RTN1: variants seen among roughly 807,000 people sequenced by gnomAD.
The protein encoded by RTN1 is reticulon-1.
RTN1 carries 25 observed loss-of-function variants against 65.5 expected under a neutral mutation model. The observed-to-expected ratio is 0.38, with a 90% CI of 0.28 to 0.53. RTN1 has a LOEUF of 0.53. Among genes scored for constraint, RTN1 ranks in the 20% least tolerant of loss-of-function variants. The pLI, the probability that RTN1 is intolerant of heterozygous loss-of-function variation, is 0.79. For missense variants in RTN1, 983 were observed against 1,025.4 expected, an observed-to-expected ratio of 0.96 and a Z score of 0.57; for synonymous variants, 471 against 447.6, an observed-to-expected ratio of 1.05 and a Z score of -0.66.
intron 3 of RTN1, among the ~76,000 whole-genome samples, chr14:59,644,799 C>T (rs538873146): frequency 6.6e-6 from 1 of 151,984 alleles, no homozygotes; most frequent in African/African-American, 2.4e-5. Flanking sequence ...GCCTTCAGTA[C>T]AGCCACCCTA....
chr14:59,752,678 G>A (rs868363418), intron 1 of RTN1, among the ~76,000 whole-genome samples: 38 of 151,994 alleles, frequency 2.5e-4, no homozygotes, highest in African/African-American at 8.9e-4. Flanking sequence ...GGATTTTGAT[G>A]CTTATGTCTG....
At chr14:59,679,404 C>G (rs1883697920) in intron 3 of RTN1, among the ~76,000 whole-genome samples, 1 of 152,170 alleles carries the variant, frequency 6.6e-6, no homozygotes. Flanking sequence ...GACTGGAGCT[C>G]TAACTTTTCT....
intron 3 of RTN1, among the ~76,000 whole-genome samples, chr14:59,718,364 G>C (rs879261087): frequency 6.6e-6 from 1 of 152,150 alleles, no homozygotes. Context: ...AGCTGCCTTC[G>C]CTCTAACTTT....
intron 1 of RTN1, among the ~76,000 whole-genome samples, chr14:59,861,092 G>A (rs1376915556): frequency 6.6e-6 from 1 of 152,108 alleles, no homozygotes; most frequent in Non-Finnish European, 1.5e-5. Context: ...GAAATGTAAG[G>A]ACATGAGATT....
In RTN1 at chr14:59,646,481, T is replaced by A. The variant is rs115893219; in HGVS notation, c.1766-38989A>T. Reference sequence around the variant, plus strand: ...CAGAGAACCTCTGCAAGATTCTCCATAAGAATATCATCACCAAGATACACA... The same window carrying A: ...CAGAGAACCTCTGCAAGATTCTCCAAAAGAATATCATCACCAAGATACACA... On this transcript the variant is annotated intron_variant, in intron 3 of 8. Coordinates refer to ENST00000267484, the MANE Select transcript of RTN1 (RefSeq NM_021136.3). Among the ~76,000 whole-genome samples, 308 of 152,228 alleles carry A rather than the reference T, an allele frequency of 2.0e-3. 1 individual carries two copies. Among genetic ancestry groups the A allele is most frequent in the African/African-American group, 7.2e-3 (301 of 41,546 alleles).
At chr14:59,610,122 C>T (rs762586046) in intron 3 of RTN1, 2 of 777,428 alleles carry the variant, frequency 2.6e-6, no homozygotes, top group South Asian at 2.7e-5. Context: ...TGCTTTATAC[C>T]TGGTAGAAAT....
At chr14:59,622,857 G>T (rs1003167295) in intron 3 of RTN1, among the ~76,000 whole-genome samples, 3 of 152,140 alleles carry the variant, frequency 2.0e-5, no homozygotes, top group Non-Finnish European at 4.4e-5. Flanking sequence ...GACTTCTGCT[G>T]ATAAGACACC....
intron 8 of RTN1, among the ~76,000 whole-genome samples, chr14:59,602,577 T>C (rs1165414017): frequency 6.6e-6 from 1 of 152,126 alleles, no homozygotes; most frequent in African/African-American, 2.4e-5. Flanking sequence ...GTTAAAATGG[T>C]GTGATGTATT....
In RTN1 at chr14:59,666,809, A is replaced by G. The variant is rs192939206; in HGVS notation, c.1766-59317T>C. On this transcript the variant is annotated intron_variant, in intron 3 of 8. Transcript: ENST00000267484. The stretch of plus-strand genomic sequence containing the variant: ...ACAGACTATCATCAGAGAATACTAA[A>G]CACCTCTACACAAATAAACTAGAAA... Among the ~76,000 whole-genome samples the G allele has an allele frequency of 1.7e-3, 255 of 152,138 alleles. 1 individual carries two copies. Among genetic ancestry groups the G allele is most frequent in the Admixed American group, 4.6e-3 (70 of 15,288 alleles).
chr14:59,825,206 T>C lies in RTN1; in HGVS notation c.241+45184A>G, dbSNP rs528023297. ...AGGTGCCAATAGCACCCGAGTCATG[T>C]CTATTAAAAATGTCTCCAGACATTG... On this transcript the variant is annotated intron_variant, in intron 1 of 8. Coordinates refer to ENST00000267484, the MANE Select transcript of RTN1 (RefSeq NM_021136.3). This position sits in a 1 kb window ranked among gnomAD's most constrained non-coding sequence, Gnocchi z 4.2. 1.3e-5 allele frequency among the ~76,000 whole-genome samples: 2 copies of C among 152,316 alleles called. No individual in the cohort carries two copies. The highest frequency in any genetic ancestry group is 3.9e-4 in the East Asian group (2 of 5,190).
At chr14:59,655,069 A>T (rs1883095684) in intron 3 of RTN1, among the ~76,000 whole-genome samples, 1 of 152,234 alleles carries the variant, frequency 6.6e-6, no homozygotes, top group African/African-American at 2.4e-5. Flanking sequence ...ACTTCTAAGG[A>T]ATCCACACAA....
intron 3 of RTN1, among the ~76,000 whole-genome samples, chr14:59,618,725 C>T (rs1193024585): frequency 6.6e-6 from 1 of 152,198 alleles, no homozygotes; most frequent in Admixed American, 6.5e-5. Flanking sequence ...TCTCACATTA[C>T]ATGTTAAGTG....
At chr14:59,743,701 G>GA (rs554620431) in intron 2 of RTN1, among the ~76,000 whole-genome samples, 66 of 145,128 alleles carry the variant, frequency 4.5e-4, no homozygotes, top group African/African-American at 1.8e-3. Flanking sequence ...CCTCAGACTG[G>GA]AAGGGCACCC....
intron 1 of RTN1, among the ~76,000 whole-genome samples, chr14:59,801,768 T>A (rs1886550632): frequency 6.6e-6 from 1 of 152,180 alleles, no homozygotes; most frequent in Non-Finnish European, 1.5e-5. Flanking sequence ...ACGCTATACA[T>A]GAGAGATATA....
Position 59,790,491 on chromosome 14 carries a change from T to C in RTN1, c.242-44010A>G, listed in dbSNP as rs900261700. ...TTGCCTTATTGTCTTTTGGCTTTGA[T>C]TGCTGCCTTGGAAAATTCTGATAGA... On this transcript the variant is annotated intron_variant, in intron 1 of 8. Coordinates refer to ENST00000267484, the MANE Select transcript of RTN1 (RefSeq NM_021136.3). The surrounding 1 kb of genome is among the most constrained non-coding windows in gnomAD (Gnocchi z 4.1). 6.6e-6 allele frequency among the ~76,000 whole-genome samples: 1 copy of C among 152,154 alleles called. No individual in the cohort carries two copies. Among genetic ancestry groups the C allele is most frequent in the Admixed American group, 6.6e-5 (1 of 15,262 alleles).
chr14:59,720,628 CAGG>C (rs1332440713), intron 3 of RTN1, among the ~76,000 whole-genome samples: 1 of 151,398 alleles, frequency 6.6e-6, no homozygotes, highest in Non-Finnish European at 1.5e-5. Context: ...TAGGCTGAAG[CAGG>C]AGAATTGCTT....
At chr14:59,692,266 T>A (rs946774296) in intron 3 of RTN1, among the ~76,000 whole-genome samples, 2 of 152,142 alleles carry the variant, frequency 1.3e-5, no homozygotes, top group African/African-American at 4.8e-5. Flanking sequence ...CAAAAATCAG[T>A]AGCATTTCTA....
chr14:59,780,173 A>G (rs1886127513), intron 1 of RTN1, among the ~76,000 whole-genome samples: 1 of 152,160 alleles, frequency 6.6e-6, no homozygotes, highest in Non-Finnish European at 1.5e-5. Flanking sequence ...GAACTGGTGG[A>G]AAGTTAGAGG....
intron 1 of RTN1, among the ~76,000 whole-genome samples, chr14:59,848,950 C>A (rs890508602): frequency 1.1e-5 from 1 of 91,966 alleles, no homozygotes; most frequent in Non-Finnish European, 2.6e-5. Context: ...ATAGTCCCCA[C>A]CCCCCCGGGA....
Sources: allele counts gnomAD v4.1 joint callset (sites outside exome capture counted in the v4.1 genomes callset), GRCh38; gene constraint gnomAD v4.1.1; non-coding constraint Gnocchi (gnomAD v3.1); transcripts MANE v1.5; gene names NCBI Gene and HGNC (gene_info 2026-07-23, HGNC 2026-07-21).